AMT: variants seen among roughly 807,000 people sequenced by gnomAD.
AMT encodes aminomethyltransferase, also known as aminomethyltransferase, mitochondrial.
Under a neutral mutation model 39.5 loss-of-function variants are expected in AMT, and 24 were observed. That is an observed-to-expected ratio of 0.61 (90% CI 0.44 to 0.86). AMT has a LOEUF of 0.86. AMT is among the 40% of genes least tolerant of loss of function. AMT has a pLI of 0.00. For missense variants in AMT, 501 were observed against 537.0 expected (o/e 0.93, Z 0.66); for synonymous variants, 210 against 212.1 (o/e 0.99, Z 0.09).
Position 49,422,440 on chromosome 3 carries a change from GC to G in AMT, c.10del (p.Ala4LeufsTer2). 1 of 1,613,246 alleles carries G rather than the reference GC, an allele frequency of 6.2e-7. No individual in the cohort carries two copies. The highest frequency in any genetic ancestry group is 8.5e-7 in the Non-Finnish European group (1 of 1,179,970). The part of the protein sequence containing the change: MQR[A>X]VSVVARLGFR... ...GCCCAGACGGGCCACCACACTTACA[GC>G]CCTCTGCATCGTCGCCTGCAACGAG... On this transcript the variant is annotated frameshift_variant, in exon 1 of 9. Coordinates refer to ENST00000273588, the MANE Select transcript of AMT (RefSeq NM_000481.4). LOFTEE classifies it high-confidence loss of function.
chr3:49,417,394 G>A lies in AMT; in HGVS notation c.*146C>T. ...TGGAATGGCATGAGTTAGGTGGGGG[G>A]AATAGGTGGTGTGGCCCCTCAACCA... On this transcript the variant is annotated 3_prime_UTR_variant, in exon 9 of 9. Transcript: ENST00000273588. 4 of 1,606,536 alleles carry A rather than the reference G, an allele frequency of 2.5e-6. No homozygotes were observed. The highest frequency in any genetic ancestry group is 3.4e-6 in the Non-Finnish European group (4 of 1,178,994).
chr3:49,418,049 A>G (rs1017836111), intron 7 of AMT, 76 bp from the exon 8 acceptor site: 3 of 1,499,998 alleles, frequency 2.0e-6, no homozygotes, highest in Non-Finnish European at 2.7e-6. Context: ...GAGGTCCTCA[A>G]GTAACACACT....
Position 49,417,897 on chromosome 3 carries a change from C to A in AMT, c.954G>T (p.Arg318=), listed in dbSNP as rs11715915. ...IVPQLKGRVQ[R]RRVGLMCEGA... ...CCTCACACATCAACCCCACACGCCTCCGCTGCACCCTGCCCTTCAGCTGGG... is the reference window on the plus strand; with the variant it reads ...CCTCACACATCAACCCCACACGCCTACGCTGCACCCTGCCCTTCAGCTGGG... The change falls in exon 8 of 9, where the codon CGG becomes CGT. Residue 318 remains arginine (R), a synonymous_variant. Coordinates refer to ENST00000273588, the MANE Select transcript of AMT (RefSeq NM_000481.4). 1 of 1,613,878 alleles carries A rather than the reference C, an allele frequency of 6.2e-7. No homozygotes were observed. The highest frequency in any genetic ancestry group is 2.2e-5 in the East Asian group (1 of 44,862).
At position 49,421,484 on chromosome 3, in the gene AMT, G is replaced by T; in HGVS notation, c.339+8C>A. On this transcript the variant is annotated splice_region_variant and intron_variant, in intron 3 of 8. Transcript: ENST00000273588. ...GAAAACTCATAGAGCAGAAATAAAA[G>T]GGCCCACCTGGTTTGGTCTTAGCTC... The T allele has an allele frequency of 6.2e-7, 1 of 1,612,920 alleles. No homozygotes were observed. The highest frequency in any genetic ancestry group is 8.5e-7 in the Non-Finnish European group (1 of 1,178,916).
In AMT at chr3:49,417,533, G is replaced by C; in HGVS notation, c.*7C>G. The C allele has an allele frequency of 6.2e-7, 1 of 1,614,200 alleles. No individual in the cohort carries two copies. The highest frequency in any genetic ancestry group is 8.5e-7 in the Non-Finnish European group (1 of 1,180,042). The stretch of plus-strand genomic sequence containing the variant: ...CCTGGAAGGGACAGCCCCACCCTGA[G>C]CCAGCTTCACTTGAGGGTATAGTAG... On this transcript the variant is annotated 3_prime_UTR_variant, in exon 9 of 9. Transcript: ENST00000273588.
In AMT at chr3:49,417,117, T is replaced by C. The variant is rs2049011801; in HGVS notation, c.*423A>G. On this transcript the variant is annotated 3_prime_UTR_variant, in exon 9 of 9. Transcript: ENST00000273588. The stretch of plus-strand genomic sequence containing the variant: ...GGAAAGCAAACTGGAGGGGGTAGCC[T>C]AAGTCCGCACTGCCCATGTTATTAC... The C allele has an allele frequency of 1.3e-6, 1 of 771,454 alleles. No individual in the cohort carries two copies. Among genetic ancestry groups the C allele is most frequent in the Non-Finnish European group, 2.2e-6 (1 of 452,368 alleles). 47.8% of individuals were successfully genotyped at this position (771,454 alleles called of 1,614,324 possible).
chr3:49,417,435 C>G lies in AMT; in HGVS notation c.*105G>C. The stretch of plus-strand genomic sequence containing the variant: ...CCCTCAACCAGACAATTAGAATCAG[C>G]CTCCACCTTAACTGCCCACCCCCAG... On this transcript the variant is annotated 3_prime_UTR_variant, in exon 9 of 9. Coordinates refer to ENST00000273588, the MANE Select transcript of AMT (RefSeq NM_000481.4). 6.2e-7 allele frequency: 1 copy of G among 1,613,030 alleles called. No homozygotes were observed.
chr3:49,422,267 A>G lies in AMT; in HGVS notation c.95T>C (p.Val32Ala), dbSNP rs750654817. The G allele has an allele frequency of 1.1e-5, 18 of 1,613,542 alleles. No homozygotes were observed. The South Asian group carries it at 1.8e-4, about 16-fold the overall frequency. ...LCRPLSCAQE[V>A]LRRTPLYDFH... ...GTCATAGAGCGGTGTCCTGCGGAGC[A>G]CCTCCTGTGGGCGGCTGGGCTTAGT... Residue 32 changes from valine to alanine, a missense_variant, in exon 2 of 9, where the codon GTG (valine) becomes GCG (alanine). Val to Ala is a moderately conservative substitution (Grantham distance 64, BLOSUM62 0). Transcript: ENST00000273588.
intron 2 of AMT, 24 bp downstream of exon 2, chr3:49,422,080 G>A: frequency 6.2e-7 from 1 of 1,613,124 alleles, no homozygotes; most frequent in Non-Finnish European, 8.5e-7. Context: ...CTGATCAGAT[G>A]GCCAGTGTGC....
chr3:49,417,972 C>T lies in AMT; in HGVS notation c.879G>A (p.Gly293=), dbSNP rs972670254. ...AGTCCATAGCAGCTCGGCGGCGCTT[C>T]CCTGGAGAATGACACATGAGACATA... ...PVEGSLSWTL[G]KRRRAAMDFP... The change falls in exon 8 of 9, where the codon GGG becomes GGA. Residue 293 remains glycine (G), a splice_region_variant and synonymous_variant. Transcript: ENST00000273588. 1 of 1,608,150 alleles carries T rather than the reference C, an allele frequency of 6.2e-7. No individual in the cohort carries two copies. Among genetic ancestry groups the T allele is most frequent in the Non-Finnish European group, 8.5e-7 (1 of 1,177,700 alleles).
chr3:49,421,428 G>T, intron 3 of AMT, 64 bp downstream of exon 3: 1 of 1,330,912 alleles, frequency 7.5e-7, no homozygotes, highest in Non-Finnish European at 1.1e-6. Context: ...CCTGAGGTAG[G>T]GACTCAGCCC....
chr3:49,417,637 G>A lies in AMT; in HGVS notation c.1115C>T (p.Pro372Leu). ...CACCTCTACCAGCAGCATTGTCCCT[G>A]GACGACTGTACTCGCAGGGCACATA... ...MGYVPCEYSR[P>L]GTMLLVEVRR... Residue 372 changes from proline to leucine, a missense_variant, in exon 9 of 9, where the codon CCA becomes CTA. Pro to Leu is a moderately conservative substitution (Grantham distance 98, BLOSUM62 -3). Coordinates refer to ENST00000273588, the MANE Select transcript of AMT (RefSeq NM_000481.4). 1.9e-6 allele frequency: 3 copies of A among 1,614,138 alleles called. No homozygotes were observed. Among genetic ancestry groups the A allele is most frequent in the Non-Finnish European group, 8.5e-7 (1 of 1,180,040 alleles).
In AMT at chr3:49,417,427, A is replaced by G. The variant is rs2107928202; in HGVS notation, c.*113T>C. ...GGTGTGGCCCCTCAACCAGACAATT[A>G]GAATCAGCCTCCACCTTAACTGCCC... On this transcript the variant is annotated 3_prime_UTR_variant, in exon 9 of 9. Transcript: ENST00000273588. 6.2e-7 allele frequency: 1 copy of G among 1,612,552 alleles called. No homozygotes were observed. Among genetic ancestry groups the G allele is most frequent in the East Asian group, 2.2e-5 (1 of 44,876 alleles).
Position 49,420,330 on chromosome 3 carries a change from G to T in AMT, c.352C>A (p.Leu118Met). ...ELRPNQGTLS[L>M]FTNEAGGILD... ...ATGCCTCCAGCCTCGTTGGTAAACA[G>T]CGACAGTGTCCCCTAGGACCAAAGT... The change falls in exon 4 of 9, where the codon CTG becomes ATG. Residue 118 changes from leucine (L) to methionine (M), a missense_variant. Transcript: ENST00000273588. The T allele has an allele frequency of 6.2e-7, 1 of 1,614,194 alleles. No homozygotes were observed. The highest frequency in any genetic ancestry group is 8.5e-7 in the Non-Finnish European group (1 of 1,180,022).
At chr3:49,422,001 G>A in intron 2 of AMT, 103 bp downstream of exon 2, 2 of 1,524,704 alleles carry the variant, frequency 1.3e-6, no homozygotes, top group South Asian at 1.1e-5. Context: ...TTCTGAGAAG[G>A]CTGTCCTTGG....
At position 49,419,123 on chromosome 3, in the gene AMT, TGAACTGCCCCC is replaced by T. The variant is rs1171965250; in HGVS notation, c.714_724del (p.Gly239ProfsTer34). 1 of 1,613,884 alleles carries T rather than the reference TGAACTGCCCCC, an allele frequency of 6.2e-7. No individual in the cohort carries two copies. The highest frequency in any genetic ancestry group is 8.5e-7 in the Non-Finnish European group (1 of 1,179,966). ...GTTTTTCAGAATAGCTGTTGCCAGG[TGAACTGCCCCC>T]GCTACCGGCACCGAGATCTGTATGA... On this transcript the variant is annotated frameshift_variant, in exon 7 of 9. Transcript: ENST00000273588. LOFTEE classifies it high-confidence loss of function.
rs1219722044 is a variant in AMT, at chr3:49,418,982, C to G, written c.866G>C (p.Ser289Thr). The G allele has an allele frequency of 1.1e-5, 18 of 1,614,002 alleles. 1 individual carries two copies. The East Asian group carries it at 4.0e-4, about 36-fold the overall frequency. Residue 289 changes from serine to threonine, a missense_variant, in exon 7 of 9, where the codon AGT (serine) becomes ACT (threonine). Ser to Thr is a moderately conservative substitution (Grantham distance 58). Transcript: ENST00000273588. ...CTGGCCCAGCTCACCCAGTGTCCAA[C>G]TGAGGCTGCCCTCCACAGGTGTAGT... is the stretch of plus-strand genomic sequence containing the variant. ...EHTTPVEGSL[S>T]WTLGKRRRAA...
chr3:49,417,494 G>A lies in AMT; in HGVS notation c.*46C>T, dbSNP rs776042872. The A allele has an allele frequency of 1.2e-6, 2 of 1,614,112 alleles. No homozygotes were observed. The highest frequency in any genetic ancestry group is 1.7e-6 in the Non-Finnish European group (2 of 1,180,020). ...GCCTCAGCTTCTTGACTAACCCCTT[G>A]TAGGGGCAAAACTCCTGGAAGGGAC... On this transcript the variant is annotated 3_prime_UTR_variant, in exon 9 of 9. Coordinates refer to ENST00000273588, the MANE Select transcript of AMT (RefSeq NM_000481.4).
chr3:49,420,330 G>A lies in AMT; in HGVS notation c.352C>T (p.Leu118=). Residue 118 remains leucine (L), a synonymous_variant, in exon 4 of 9, where the codon CTG becomes TTG. Transcript: ENST00000273588. The part of the protein sequence containing the change: ...ELRPNQGTLS[L]FTNEAGGILD... ...ATGCCTCCAGCCTCGTTGGTAAACA[G>A]CGACAGTGTCCCCTAGGACCAAAGT... is the stretch of plus-strand genomic sequence containing the variant. 6.2e-7 allele frequency: 1 copy of A among 1,614,194 alleles called. No homozygotes were observed. Among genetic ancestry groups the A allele is most frequent in the Non-Finnish European group, 8.5e-7 (1 of 1,180,022 alleles).
Sources: gnomAD v4.1 joint callset for allele counts on GRCh38, gnomAD v4.1.1 for gene constraint, MANE v1.5 for transcripts, NCBI Gene and HGNC (gene_info 2026-07-23, HGNC 2026-07-21) for gene names.